FSTL1: variants seen among roughly 807,000 people sequenced by gnomAD.
FSTL1 encodes the protein follistatin like 1, also known as follistatin-related protein 1.
FSTL1 carries 24 observed loss-of-function variants against 45.9 expected under a neutral mutation model. That is an observed-to-expected ratio of 0.52 (90% confidence interval 0.38 to 0.74). FSTL1 has a LOEUF of 0.74. Ranked by LOEUF, FSTL1 falls within the 30% of genes least tolerant of loss-of-function variation. The pLI, the probability that FSTL1 is intolerant of heterozygous loss-of-function variation, is 0.00. For synonymous variants in FSTL1, 120 were observed against 137.6 expected, an observed-to-expected ratio of 0.87 and a Z score of 0.89; for missense variants, 340 against 381.8, an observed-to-expected ratio of 0.89 and a Z score of 0.91.
chr3:120,407,440 C>T (rs1476957617), intron 6 of FSTL1, among the ~76,000 whole-genome samples: 1 of 152,202 alleles, frequency 6.6e-6, no homozygotes, highest in Non-Finnish European at 1.5e-5. Context: ...CTCTTTCTAC[C>T]TGGGTCTTTC....
intron 2 of FSTL1, among the ~76,000 whole-genome samples, chr3:120,422,454 A>G (rs2107661498): frequency 6.6e-6 from 1 of 152,336 alleles, no homozygotes; most frequent in South Asian, 2.1e-4. Context: ...ACATTTGTAC[A>G]CCTTAAATAT....
intron 2 of FSTL1, among the ~76,000 whole-genome samples, chr3:120,437,856 G>A (rs1236735818): frequency 6.6e-6 from 1 of 152,140 alleles, no homozygotes; most frequent in East Asian, 1.9e-4. Flanking sequence ...ATCTGCATTG[G>A]CCTCTGTTTC....
At position 120,394,792 on chromosome 3, in the gene FSTL1, C is replaced by G; in HGVS notation, c.*2160G>C. On this transcript the variant is annotated 3_prime_UTR_variant, in exon 11 of 11. Coordinates refer to ENST00000295633, the MANE Select transcript of FSTL1 (RefSeq NM_007085.5). ...AGATCATGTGATTCTACGGCATAGA[C>G]GACAGCTGCCCTATTTACACAGAAG... is the stretch of plus-strand genomic sequence containing the variant. The G allele has an allele frequency of 6.6e-6, 1 of 152,212 alleles. No homozygotes were observed. The highest frequency in any genetic ancestry group is 1.9e-4 in the East Asian group (1 of 5,202). The allele number at this position is 152,212 out of a possible 1,614,324, so 9.4% of individuals were successfully genotyped here.
chr3:120,401,177 T>G lies in FSTL1; in HGVS notation c.806-1218A>C, dbSNP rs571947874. Reference sequence around the variant, plus strand: ...AAGACAAGTATAGGATGCTTCATGGTTGAGGCAGGCTAGGCCACTGACTGT... The same window carrying G: ...AAGACAAGTATAGGATGCTTCATGGGTGAGGCAGGCTAGGCCACTGACTGT... On this transcript the variant is annotated intron_variant, in intron 9 of 10. Coordinates refer to ENST00000295633, the MANE Select transcript of FSTL1 (RefSeq NM_007085.5). Among the ~76,000 whole-genome samples the G allele has an allele frequency of 1.9e-4, 29 of 152,332 alleles. 1 individual carries two copies. In the South Asian group the frequency reaches 6.0e-3, roughly 32 times the overall value.
chr3:120,408,503 T>A lies in FSTL1; in HGVS notation c.462+1029A>T, dbSNP rs191859514. On this transcript the variant is annotated intron_variant, in intron 6 of 10. Coordinates refer to ENST00000295633, the MANE Select transcript of FSTL1 (RefSeq NM_007085.5). ...AGAAAGAGAAATCCACAGACTAGAC[T>A]GGCATTGGCCACATTAGGTGGCCTC... 3.0e-3 allele frequency among the ~76,000 whole-genome samples: 460 copies of A among 152,338 alleles called. 4 individuals are homozygous for A. The highest frequency in any genetic ancestry group is 0.015 in the South Asian group (73 of 4,830).
At chr3:120,441,465 A>G (rs1355262304) in intron 2 of FSTL1, 1 of 152,268 alleles carries the variant, frequency 6.6e-6, no homozygotes, top group Admixed American at 6.5e-5. Flanking sequence ...TTTAAGGGCA[A>G]GATTAGCTCA....
intron 6 of FSTL1, among the ~76,000 whole-genome samples, chr3:120,406,634 G>A (rs1446186278): frequency 2.6e-5 from 4 of 152,216 alleles, no homozygotes; most frequent in South Asian, 2.1e-4. Context: ...AGAGTTGTAT[G>A]TAGAATCCAC....
At chr3:120,440,424 C>G (rs1344778513) in intron 2 of FSTL1, among the ~76,000 whole-genome samples, 1 of 152,238 alleles carries the variant, frequency 6.6e-6, no homozygotes, top group Non-Finnish European at 1.5e-5. Context: ...CCACAAGACA[C>G]AGTGACTATC....
At chr3:120,445,880 T>A (rs1937728039) in intron 2 of FSTL1, among the ~76,000 whole-genome samples, 1 of 149,776 alleles carries the variant, frequency 6.7e-6, no homozygotes, top group Admixed American at 6.6e-5. Context: ...ATAGGCTCGA[T>A]GAGGACAGTG....
At chr3:120,407,183 T>G (rs1213156752) in intron 6 of FSTL1, among the ~76,000 whole-genome samples, 1 of 152,168 alleles carries the variant, frequency 6.6e-6, no homozygotes, top group South Asian at 2.1e-4. Flanking sequence ...GCAGAAAAGA[T>G]GTATGTCATG....
At chr3:120,422,249 A>T (rs1357929254) in intron 2 of FSTL1, among the ~76,000 whole-genome samples, 1 of 152,206 alleles carries the variant, frequency 6.6e-6, no homozygotes, top group South Asian at 2.1e-4. Context: ...ATTTTTGGAG[A>T]TCTAATGTAC....
chr3:120,427,433 C>T (rs1360695709), intron 2 of FSTL1, among the ~76,000 whole-genome samples: 1 of 152,162 alleles, frequency 6.6e-6, no homozygotes, highest in East Asian at 1.9e-4. Flanking sequence ...ACTCCATTAA[C>T]CTTTGTTGAA....
At chr3:120,433,789 A>C (rs1409135868) in intron 2 of FSTL1, among the ~76,000 whole-genome samples, 1 of 152,208 alleles carries the variant, frequency 6.6e-6, no homozygotes, top group African/African-American at 2.4e-5. Context: ...TTCAGACGAA[A>C]GTAGAAAAGT....
intron 2 of FSTL1, among the ~76,000 whole-genome samples, chr3:120,433,141 G>A (rs897255346): frequency 3.3e-5 from 5 of 152,200 alleles, no homozygotes; most frequent in Non-Finnish European, 5.9e-5. Flanking sequence ...TATTCTTTGG[G>A]ACATTAGCTT....
intron 3 of FSTL1, among the ~76,000 whole-genome samples, chr3:120,412,703 G>A (rs1169864209): frequency 6.6e-6 from 1 of 152,158 alleles, no homozygotes; most frequent in African/African-American, 2.4e-5. Context: ...GTAATTTAAT[G>A]TCTCAGAAGA....
chr3:120,420,170 G>T (rs994850352), intron 2 of FSTL1, among the ~76,000 whole-genome samples: 1 of 152,200 alleles, frequency 6.6e-6, no homozygotes, highest in African/African-American at 2.4e-5. Flanking sequence ...CTTGCAAATA[G>T]AAGTGTTTGT....
At chr3:120,438,330 T>G (rs1053861435) in intron 2 of FSTL1, 3 of 152,176 alleles carry the variant, frequency 2.0e-5, no homozygotes, top group Admixed American at 2.0e-4. Flanking sequence ...TCTTCCCCAG[T>G]GTTGTTGAGC....
intron 3 of FSTL1, among the ~76,000 whole-genome samples, chr3:120,412,838 G>GCGCGCGCACA (rs1429168694): frequency 3.3e-4 from 35 of 106,184 alleles, no homozygotes; most frequent in East Asian, 3.0e-3. Context: ...GCGCGCGCGC[G>GCGCGCGCACA]CACACACACA....
At chr3:120,441,952 G>A (rs528246817) in intron 2 of FSTL1, among the ~76,000 whole-genome samples, 3 of 152,290 alleles carry the variant, frequency 2.0e-5, no homozygotes, top group South Asian at 2.1e-4. Flanking sequence ...AGGTCTGAGC[G>A]CTAAGCCATT....
Sources: gnomAD v4.1 joint callset for allele counts (sites outside exome capture counted in the v4.1 genomes callset) on GRCh38, gnomAD v4.1.1 for gene constraint, MANE v1.5 for transcripts, NCBI Gene and HGNC (gene_info 2026-07-23, HGNC 2026-07-21) for gene names.